Variants in BBC3 observed in about 807,000 individuals in gnomAD.
BBC3 encodes the protein BCL2 binding component 3.
In BBC3, 5 loss-of-function variants were observed where a neutral mutation model predicts 18.2. That is an observed-to-expected ratio of 0.27 (90% confidence interval 0.14 to 0.58). The LOEUF is 0.58. Ranked by LOEUF, BBC3 falls within the 20% of genes least tolerant of loss-of-function variation. The probability of loss-of-function intolerance (pLI) is 0.91; values close to 1 mark genes in which losing one functional copy is unlikely to be tolerated. For missense variants in BBC3, 224 were observed against 268.9 expected, an observed-to-expected ratio of 0.83 and a Z score of 1.17; for synonymous variants, 119 against 128.0, an observed-to-expected ratio of 0.93 and a Z score of 0.47.
chr19:47,228,510 C>T lies in BBC3; in HGVS notation c.-15-64G>A. 1 of 1,221,668 alleles carries T rather than the reference C, an allele frequency of 8.2e-7. No individual in the cohort carries two copies. 75.7% of individuals were successfully genotyped at this position (1,221,668 alleles called of 1,614,324 possible). A position where few individuals can be genotyped will look rare whatever the true frequency, so the allele number is the denominator to read the frequency against. On this transcript the variant is annotated intron_variant, in intron 1 of 3. Coordinates refer to ENST00000439096, the MANE Select transcript of BBC3 (RefSeq NM_014417.5). This position sits in a 1 kb window ranked among gnomAD's most constrained non-coding sequence, Gnocchi z 5.5. ...TACCAGGGCCCACTGTACCTCCAGC[C>T]TACCCGGGGTTAGGACCCAGATGGA...
rs534933058 is a variant in BBC3, at chr19:47,228,163, G to C, written c.269C>G (p.Pro90Arg). The C allele has an allele frequency of 1.6e-6, 2 of 1,226,568 alleles. No individual in the cohort carries two copies. The highest frequency in any genetic ancestry group is 1.0e-6 in the Non-Finnish European group (1 of 984,234). The allele number at this position is 1,226,568 out of a possible 1,614,324, so 76.0% of individuals were successfully genotyped here. The change falls in exon 2 of 4, where the codon CCG becomes CGG. Residue 90 changes from proline (P) to arginine (R), a missense_variant. By Grantham distance (103) the Pro-to-Arg change is moderately radical. Coordinates refer to ENST00000439096, the MANE Select transcript of BBC3 (RefSeq NM_014417.5). This position sits in a 1 kb window ranked among gnomAD's most constrained non-coding sequence, Gnocchi z 5.5. ...GGGGCGGGGCGGGCACTCACCGTCC[G>C]GGCGCGGGCCTCGGGGCCGGCTGCG... is the stretch of plus-strand genomic sequence containing the variant. ...GPRSRPRGPR[P>R]DGPQPSLSLA...
At chr19:47,231,351 GC>G (rs984912972), upstream of BBC3, 270 of 330,554 alleles carry the variant, frequency 8.2e-4, no homozygotes, top group Middle Eastern at 1.5e-3. This position sits in a 1 kb window ranked among gnomAD's most constrained non-coding sequence, Gnocchi z 4.0. Context: ...CGCGCGCCGC[GC>G]CCCCCCCTAC....
intron 3 of BBC3, among the ~76,000 whole-genome samples, chr19:47,224,243 C>A (rs562909290): frequency 6.6e-6 from 1 of 151,170 alleles, no homozygotes; most frequent in Non-Finnish European, 1.5e-5. Context: ...TGCAATGGGC[C>A]GAGATTGCAC....
rs374925052 is a variant in BBC3 at position 47,228,208 on chromosome 19, G to A, written c.224C>T (p.Ser75Phe). 1.7e-5 allele frequency: 19 copies of A among 1,098,208 alleles called. No individual in the cohort carries two copies. The East Asian group carries it at 2.6e-4, about 15-fold the overall frequency. 68.0% of individuals were successfully genotyped at this position (1,098,208 alleles called of 1,614,324 possible). ...GCTGCGGGGACCCCCAGGCCAGCGGGAACCCCCCAGGGCGGCGGTGACGGC... is the reference window on the plus strand; with the variant it reads ...GCTGCGGGGACCCCCAGGCCAGCGGAAACCCCCCAGGGCGGCGGTGACGGC... ...PPAVTAALGGSRWPGGPRSRP... is the reference protein window; with the variant it reads ...PPAVTAALGGFRWPGGPRSRP... Residue 75 changes from serine to phenylalanine, a missense_variant, in exon 2 of 4, where the codon TCC becomes TTC. Ser to Phe is a radical substitution (Grantham distance 155). Transcript: ENST00000439096. This position sits in a 1 kb window ranked among gnomAD's most constrained non-coding sequence, Gnocchi z 5.5.
chr19:47,221,757 G>A lies in BBC3; in HGVS notation c.*45C>T. The A allele has an allele frequency of 6.2e-6, 10 of 1,606,120 alleles. No homozygotes were observed. The highest frequency in any genetic ancestry group is 8.5e-6 in the Non-Finnish European group (10 of 1,177,818). On this transcript the variant is annotated 3_prime_UTR_variant, in exon 4 of 4. Transcript: ENST00000439096. ...GCCAGGGTGTCAGGAGGTGGGAGGGGCCTGCCCCCCGAGTCCCTGACGTCC... is the reference window on the plus strand; with the variant it reads ...GCCAGGGTGTCAGGAGGTGGGAGGGACCTGCCCCCCGAGTCCCTGACGTCC...
At chr19:47,223,356 C>A (rs566357348) in intron 3 of BBC3, among the ~76,000 whole-genome samples, 1 of 152,062 alleles carries the variant, frequency 6.6e-6, no homozygotes, top group East Asian at 1.9e-4. Context: ...CACCTGAGGT[C>A]AGGAGTTCAA....
rs1025258331 is a variant in BBC3, at chr19:47,221,675, A to G, written c.*127T>C. The G allele has an allele frequency of 1.7e-5, 26 of 1,529,006 alleles. No individual in the cohort carries two copies. Among genetic ancestry groups the G allele is most frequent in the Non-Finnish European group, 2.2e-5 (25 of 1,143,838 alleles). 94.7% of individuals were successfully genotyped at this position (1,529,006 alleles called of 1,614,324 possible). A position where few individuals can be genotyped will look rare whatever the true frequency, so the allele number is the denominator to read the frequency against. ...GTGGCTGCCCCGGCCCGCCCCCGGG[A>G]CAGGCAGGGCTGGGAGTCCAGTATG... is the stretch of plus-strand genomic sequence containing the variant. On this transcript the variant is annotated 3_prime_UTR_variant, in exon 4 of 4. Transcript: ENST00000439096.
chr19:47,224,112 T>C (rs2058782953), intron 3 of BBC3, among the ~76,000 whole-genome samples: 1 of 152,000 alleles, frequency 6.6e-6, no homozygotes, highest in Non-Finnish European at 1.5e-5. Flanking sequence ...CTGGTCAACA[T>C]AGTGAAACCC....
upstream of BBC3, chr19:47,232,615 C>A (rs963256405): frequency 2.0e-6 from 3 of 1,523,366 alleles, no homozygotes; most frequent in South Asian, 2.4e-5. Context: ...TGTCTCATAG[C>A]TTTCCATTCC....
intron 3 of BBC3, 49 bp downstream of exon 3, chr19:47,226,515 T>C: frequency 1.4e-6 from 2 of 1,396,384 alleles, no homozygotes; most frequent in East Asian, 3.5e-5. Context: ...TGCCGCCCCC[T>C]CCTCCGGCGG....
chr19:47,228,066 C>T lies in BBC3; in HGVS notation c.274+92G>A, dbSNP rs1397539679. On this transcript the variant is annotated intron_variant, in intron 2 of 3. Transcript: ENST00000439096. This position sits in a 1 kb window ranked among gnomAD's most constrained non-coding sequence, Gnocchi z 5.5. ...GTGGCCCGGCTGGGCCCGCCACCTC[C>T]CCCCGTCCTCTCCCACTTCTCCAGT... is the stretch of plus-strand genomic sequence containing the variant. 9.5e-7 allele frequency: 1 copy of T among 1,057,140 alleles called. No homozygotes were observed. 65.5% of individuals were successfully genotyped at this position (1,057,140 alleles called of 1,614,324 possible).
Position 47,228,952 on chromosome 19 carries a change from T to C in BBC3, c.-15-506A>G, listed in dbSNP as rs2058875892. Among the ~76,000 whole-genome samples the C allele has an allele frequency of 6.6e-6, 1 of 151,738 alleles. No individual in the cohort carries two copies. Among genetic ancestry groups the C allele is most frequent in the Non-Finnish European group, 1.5e-5 (1 of 67,930 alleles). On this transcript the variant is annotated intron_variant, in intron 1 of 3. Coordinates refer to ENST00000439096, the MANE Select transcript of BBC3 (RefSeq NM_014417.5). This position sits in a 1 kb window ranked among gnomAD's most constrained non-coding sequence, Gnocchi z 5.5. ...CCACCTCCCACTTGCACACAAACAC[T>C]GAGATGGCCCCAGTCTCGGACATCA...
chr19:47,222,610 G>A (rs944507743), intron 3 of BBC3: 2 of 152,270 alleles, frequency 1.3e-5, no homozygotes, highest in African/African-American at 4.8e-5. Context: ...GCCAAGGCGG[G>A]AGGATCACCT....
chr19:47,227,673 C>T, intron 2 of BBC3, among the ~76,000 whole-genome samples: 1 of 152,072 alleles, frequency 6.6e-6, no homozygotes, highest in East Asian at 1.9e-4. Flanking sequence ...CCCGAGGGGA[C>T]TTCCCAACAC....
rs2058864100 is a variant in BBC3 at position 47,228,308 on chromosome 19, G to A, written c.124C>T (p.Pro42Ser). 8.2e-7 allele frequency: 1 copy of A among 1,224,082 alleles called. No homozygotes were observed. Among genetic ancestry groups the A allele is most frequent in the African/African-American group, 1.6e-5 (1 of 64,024 alleles). The allele number at this position is 1,224,082 out of a possible 1,614,324, so 75.8% of individuals were successfully genotyped here. Residue 42 changes from proline to serine, a missense_variant, in exon 2 of 4, where the codon CCC becomes TCC. By Grantham distance (74) the Pro-to-Ser change is moderately conservative (BLOSUM62 -1). Coordinates refer to ENST00000439096, the MANE Select transcript of BBC3 (RefSeq NM_014417.5). The surrounding 1 kb of genome is among the most constrained non-coding windows in gnomAD (Gnocchi z 5.5). Reference sequence around the variant, plus strand: ...GCGGCGGGGGCGGCAGCCAGGCCGGGCTCGCAGAGGCCGCAGGACACTGCC... The same window carrying A: ...GCGGCGGGGGCGGCAGCCAGGCCGGACTCGCAGAGGCCGCAGGACACTGCC... ...PSAVSCGLCE[P>S]GLAAAPAAPT...
chr19:47,222,734 G>A (rs2123357583), intron 3 of BBC3, among the ~76,000 whole-genome samples: 1 of 151,772 alleles, frequency 6.6e-6, no homozygotes, highest in Admixed American at 6.6e-5. Flanking sequence ...GGGAGGCCGA[G>A]GTAGGCGGAT....
intron 3 of BBC3, among the ~76,000 whole-genome samples, chr19:47,224,819 A>G (rs756097438): frequency 6.7e-6 from 1 of 150,152 alleles, no homozygotes; most frequent in Admixed American, 6.6e-5. Context: ...GCTCACTGCA[A>G]CCTCCACCTC....
At chr19:47,224,188 G>A (rs1452250571) in intron 3 of BBC3, among the ~76,000 whole-genome samples, 2 of 152,124 alleles carry the variant, frequency 1.3e-5, no homozygotes, top group Non-Finnish European at 2.9e-5. Flanking sequence ...TCAGCTACTT[G>A]GGAGGCTGAG....
In BBC3 at chr19:47,228,352, A is replaced by G; in HGVS notation, c.80T>C (p.Leu27Pro). 6 of 1,228,616 alleles carry G rather than the reference A, an allele frequency of 4.9e-6. No homozygotes were observed. Among genetic ancestry groups the G allele is most frequent in the Non-Finnish European group, 6.1e-6 (6 of 986,782 alleles). The allele number at this position is 1,228,616 out of a possible 1,614,324, so 76.1% of individuals were successfully genotyped here. ...LARDGPRPFP[L>P]GRLVPSAVSC... ...CACTGCCGAGGGCACCAGGCGGCCG[A>G]GCGGGAAGGGGCGCGGGCCGTCGCG... The change falls in exon 2 of 4, where the codon CTC (leucine) becomes CCC (proline). Residue 27 changes from leucine to proline, a missense_variant. Physicochemically the swap from Leu to Pro is moderately conservative, Grantham distance 98. Transcript: ENST00000439096. This position sits in a 1 kb window ranked among gnomAD's most constrained non-coding sequence, Gnocchi z 5.5.
Sources: allele counts gnomAD v4.1 joint callset (sites outside exome capture counted in the v4.1 genomes callset), GRCh38; gene constraint gnomAD v4.1.1; non-coding constraint Gnocchi (gnomAD v3.1); transcripts MANE v1.5; gene names NCBI Gene and HGNC (gene_info 2026-07-23, HGNC 2026-07-21).